GATC: variants seen among roughly 807,000 people sequenced by gnomAD.
GATC encodes the protein glutamyl-tRNA(Gln) amidotransferase subunit C, mitochondrial.
In GATC, 11 loss-of-function variants were observed where a neutral mutation model predicts 14.4. The observed-to-expected ratio is 0.77, with a 90% CI of 0.48 to 1.27. The LOEUF is 1.27. Ranked by LOEUF, GATC falls within the 50% of genes most tolerant of loss-of-function variation. GATC has a pLI of 0.00. For missense variants in GATC, 204 were observed against 183.0 expected (o/e 1.11, Z -0.66); for synonymous variants, 76 against 79.3 (o/e 0.96, Z 0.22).
intron 2 of GATC, among the ~76,000 whole-genome samples, chr12:120,454,769 A>C (rs749314994): frequency 2.3e-4 from 35 of 151,420 alleles, no homozygotes; most frequent in Non-Finnish European, 2.4e-4. Flanking sequence ...AGAAAGTCCA[A>C]GGGTTACCTT....
At chr12:120,451,520 T>G (rs992537809) in intron 2 of GATC, among the ~76,000 whole-genome samples, 2 of 151,840 alleles carry the variant, frequency 1.3e-5, no homozygotes, top group African/African-American at 4.8e-5. Context: ...GGCAGGTGGA[T>G]CACCTGAGGC....
At chr12:120,449,195 G>A (rs1340899881) in intron 2 of GATC, among the ~76,000 whole-genome samples, 1 of 151,544 alleles carries the variant, frequency 6.6e-6, no homozygotes, top group Non-Finnish European at 1.5e-5. Context: ...TCCTGACCTC[G>A]TGATCTGCCC....
chr12:120,447,584 TC>T (rs1428559348), intron 2 of GATC, among the ~76,000 whole-genome samples: 1 of 152,146 alleles, frequency 6.6e-6, no homozygotes. Flanking sequence ...CAGCTTATCT[TC>T]TCAGAAAGGG....
At chr12:120,448,266 C>T (rs1383429745) in intron 2 of GATC, among the ~76,000 whole-genome samples, 2 of 151,076 alleles carry the variant, frequency 1.3e-5, no homozygotes, top group African/African-American at 4.9e-5. Context: ...CATGTTGCCC[C>T]ATATGGTCTC....
At chr12:120,459,161 G>C (rs572192062) in intron 3 of GATC, among the ~76,000 whole-genome samples, 1 of 152,092 alleles carries the variant, frequency 6.6e-6, no homozygotes, top group South Asian at 2.1e-4. Context: ...ACCCGGCCGT[G>C]AGCTAAACTC....
chr12:120,457,020 A>G (rs1878203338), intron 2 of GATC, 56 bp from the exon 3 acceptor site: 1 of 1,123,246 alleles, frequency 8.9e-7, no homozygotes, highest in Non-Finnish European at 1.4e-6. Flanking sequence ...CCTCTCCATC[A>G]TCCCCTAAAA....
At chr12:120,446,635 C>G (rs750478943) in intron 1 of GATC, 22 bp from the exon 2 acceptor site, 2 of 1,601,882 alleles carry the variant, frequency 1.2e-6, no homozygotes, top group Admixed American at 1.7e-5. Context: ...GACCCACACT[C>G]CCCGCCTCAT....
chr12:120,458,980 C>T (rs1878256934), intron 3 of GATC, among the ~76,000 whole-genome samples: 1 of 151,430 alleles, frequency 6.6e-6, no homozygotes, highest in African/African-American at 2.5e-5. Flanking sequence ...CCTGCCTTAG[C>T]CTCCCAAGTA....
intron 2 of GATC, among the ~76,000 whole-genome samples, chr12:120,451,783 A>T (rs1878053120): frequency 6.6e-6 from 1 of 151,976 alleles, no homozygotes; most frequent in Non-Finnish European, 1.5e-5. Flanking sequence ...TGACTGGCTA[A>T]TAGAAACCCC....
chr12:120,456,993 G>A, intron 2 of GATC, 83 bp from the exon 3 acceptor site: 2 of 852,194 alleles, frequency 2.3e-6, no homozygotes, highest in Non-Finnish European at 2.0e-6. Context: ...CTGCTTCCTT[G>A]TTCTCTCCTT....
rs1216105139 is a variant in GATC at position 120,457,087 on chromosome 12, T to C, written c.266T>C (p.Leu89Pro). 1.5e-5 allele frequency: 24 copies of C among 1,607,292 alleles called. No homozygotes were observed. The highest frequency in any genetic ancestry group is 2.0e-5 in the Non-Finnish European group (23 of 1,173,928). Residue 89 changes from leucine (L) to proline (P), a missense_variant, in exon 3 of 4, where the codon CTG (leucine) becomes CCG (proline). Leu to Pro is a moderately conservative substitution (Grantham distance 98). Coordinates refer to ENST00000551765, the MANE Select transcript of GATC (RefSeq NM_176818.3). ...TCTGGGTTTTGTAGATGTCTATACC[T>C]GAGATCCGACAATGTGGTAGAAGGC... ...ESVLEDRCLY[L>P]RSDNVVEGNC...
Position 120,451,872 on chromosome 12 carries a change from A to ATTCTTTTTTTTT in GATC, c.254+5046_254+5057dup, listed in dbSNP as rs1555219519. ...TGCCAGGGGCTAATAAATTATATAA[A>ATTCTTTTTTTTT]TTCTTTTTTTTTTTTTTTTTTTTGA... On this transcript the variant is annotated intron_variant, in intron 2 of 3. Transcript: ENST00000551765. 2.9e-3 allele frequency among the ~76,000 whole-genome samples: 252 copies of ATTCTTTTTTTTT among 88,128 alleles called. 9 individuals are homozygous for ATTCTTTTTTTTT. Among genetic ancestry groups the ATTCTTTTTTTTT allele is most frequent in the African/African-American group, 0.011 (233 of 21,680 alleles). The allele number at this position is 88,128 out of a possible 152,430, so 57.8% of individuals were successfully genotyped here.
At chr12:120,459,005 C>T (rs1410136856) in intron 3 of GATC, among the ~76,000 whole-genome samples, 2 of 152,148 alleles carry the variant, frequency 1.3e-5, no homozygotes, top group Admixed American at 6.5e-5. Flanking sequence ...GGACTACAGG[C>T]GCCCACCACA....
chr12:120,454,069 A>G (rs1878117118), intron 2 of GATC, among the ~76,000 whole-genome samples: 1 of 152,064 alleles, frequency 6.6e-6, no homozygotes, highest in African/African-American at 2.4e-5. Flanking sequence ...TATTAGATCT[A>G]CTCTTGGGGA....
chr12:120,454,857 C>CA (rs544102647), intron 2 of GATC: 11,624 of 191,730 alleles, frequency 0.061, 388 homozygotes, highest in African/African-American at 0.14. Context: ...TTGTGTTATT[C>CA]AAAAAAAAAA....
At position 120,460,497 on chromosome 12, in the gene GATC, A is replaced by C. The variant is rs1362663603; in HGVS notation, c.*538A>C. On this transcript the variant is annotated 3_prime_UTR_variant, in exon 4 of 4. Transcript: ENST00000551765. The stretch of plus-strand genomic sequence containing the variant: ...TGTTGAAAGTAGACTAGAGCTTGGG[A>C]ACTCCTAACCTAGAACTATCTGCCA... 6.6e-6 allele frequency: 1 copy of C among 152,250 alleles called. No individual in the cohort carries two copies. Among genetic ancestry groups the C allele is most frequent in the African/African-American group, 2.4e-5 (1 of 41,424 alleles). The allele number at this position is 152,250 out of a possible 1,614,324, so 9.4% of individuals were successfully genotyped here. A position where few individuals can be genotyped will look rare whatever the true frequency, so the allele number is the denominator to read the frequency against.
intron 2 of GATC, among the ~76,000 whole-genome samples, chr12:120,456,293 G>A (rs1878182575): frequency 6.6e-6 from 1 of 152,134 alleles, no homozygotes; most frequent in African/African-American, 2.4e-5. Context: ...AAGTCACTAG[G>A]TCCCACAGAA....
In GATC at chr12:120,457,193, A is replaced by G; in HGVS notation, c.358+14A>G. 6.4e-7 allele frequency: 1 copy of G among 1,571,212 alleles called. No homozygotes were observed. Among genetic ancestry groups the G allele is most frequent in the Middle Eastern group, 1.7e-4 (1 of 5,976 alleles). On this transcript the variant is annotated intron_variant, in intron 3 of 3. Transcript: ENST00000551765. ...TGGCCCCCCCAGGTACGTGCTGCCC[A>G]GAATGGTTTAACAGATAGTCTCACA...
At chr12:120,459,766 G>C (rs1371222469) in intron 3 of GATC, 141 bp from the exon 4 acceptor site, 1 of 498,920 alleles carries the variant, frequency 2.0e-6, no homozygotes, top group Non-Finnish European at 3.7e-6. Flanking sequence ...CGAGGCAGGA[G>C]AATGGCGTGA....
Sources: gnomAD v4.1 joint callset for allele counts (sites outside exome capture counted in the v4.1 genomes callset) on GRCh38, gnomAD v4.1.1 for gene constraint, MANE v1.5 for transcripts, NCBI Gene and HGNC (gene_info 2026-07-23, HGNC 2026-07-21) for gene names.